Variants in DLG2 observed in about 807,000 individuals in gnomAD.
DLG2 encodes discs large MAGUK scaffold protein 2.
In DLG2, 45 loss-of-function variants were observed where a neutral mutation model predicts 132.5. The observed-to-expected ratio is 0.34, with a 90% confidence interval of 0.27 to 0.44. The LOEUF is 0.44. Among genes scored for constraint, DLG2 ranks in the 20% least tolerant of loss-of-function variants. The pLI, the probability that DLG2 is intolerant of heterozygous loss-of-function variation, is 1.00. For synonymous variants in DLG2, 424 were observed against 419.6 expected, an observed-to-expected ratio of 1.01 and a Z score of -0.13; for missense variants, 1,045 against 1,196.9, an observed-to-expected ratio of 0.87 and a Z score of 1.87.
chr11:83,900,182 T>G (rs1342858144), intron 15 of DLG2, among the ~76,000 whole-genome samples: 2 of 152,136 alleles, frequency 1.3e-5, no homozygotes, highest in African/African-American at 4.8e-5. Context: ...AACAGGTGAC[T>G]TGGGTGCTGT....
chr11:85,588,998 TACAA>T (rs1484107982), intron 3 of DLG2, among the ~76,000 whole-genome samples: 2 of 152,160 alleles, frequency 1.3e-5, no homozygotes, highest in African/African-American at 2.4e-5. Context: ...GGGGAATGTC[TACAA>T]ACAGTCCTGT....
intron 6 of DLG2, among the ~76,000 whole-genome samples, chr11:84,995,311 G>A (rs567042832): frequency 2.8e-4 from 42 of 152,306 alleles, no homozygotes; most frequent in Non-Finnish European, 4.7e-4. Context: ...GGAGTTGTAT[G>A]TTAGAATCCC....
At chr11:85,141,464 A>T (rs1196325612) in intron 5 of DLG2, among the ~76,000 whole-genome samples, 1 of 151,608 alleles carries the variant, frequency 6.6e-6, no homozygotes, top group African/African-American at 2.4e-5. Flanking sequence ...TATTAGGGTT[A>T]TTAATCTATT....
At chr11:85,084,317 G>T (rs2067625729) in intron 6 of DLG2, among the ~76,000 whole-genome samples, 1 of 152,138 alleles carries the variant, frequency 6.6e-6, no homozygotes, top group African/African-American at 2.4e-5. Context: ...GTACTAGAAG[G>T]AAAGTCAGAA....
intron 6 of DLG2, among the ~76,000 whole-genome samples, chr11:85,064,632 C>T (rs1184283806): frequency 4.6e-5 from 7 of 151,696 alleles, no homozygotes; most frequent in Non-Finnish European, 1.0e-4. Context: ...CTCAACTTGG[C>T]TAAGCTGTGG....
At chr11:84,237,321 T>C (rs1395104408) in intron 8 of DLG2, among the ~76,000 whole-genome samples, 1 of 152,190 alleles carries the variant, frequency 6.6e-6, no homozygotes, top group African/African-American at 2.4e-5. Context: ...ATTAGCAATT[T>C]GCTTTAAAAA....
chr11:85,474,011 A>T (rs984096729), intron 3 of DLG2, among the ~76,000 whole-genome samples: 1 of 152,056 alleles, frequency 6.6e-6, no homozygotes, highest in African/African-American at 2.4e-5. Flanking sequence ...ATAAACAACT[A>T]CTTAAAATAT....
At chr11:85,183,820 G>T (rs182385530) in intron 4 of DLG2, among the ~76,000 whole-genome samples, 15 of 151,900 alleles carry the variant, frequency 9.9e-5, no homozygotes, top group Admixed American at 9.9e-4. Flanking sequence ...AACTCCATCC[G>T]TTTCTTGCTT....
At chr11:84,345,734 T>G (rs977314990) in intron 7 of DLG2, among the ~76,000 whole-genome samples, 1 of 152,208 alleles carries the variant, frequency 6.6e-6, no homozygotes, top group African/African-American at 2.4e-5. Context: ...ATAGAGCAAG[T>G]GTTAGCAAAT....
At chr11:84,665,101 G>A (rs2099698536) in intron 6 of DLG2, among the ~76,000 whole-genome samples, 2 of 152,076 alleles carry the variant, frequency 1.3e-5, no homozygotes, top group African/African-American at 2.4e-5. Flanking sequence ...CCCTTACCTA[G>A]AGACAAGCTA....
At chr11:84,781,878 C>G (rs1048985309) in intron 6 of DLG2, among the ~76,000 whole-genome samples, 16 of 152,044 alleles carry the variant, frequency 1.1e-4, no homozygotes, top group African/African-American at 3.9e-4. Flanking sequence ...TAGTGATATA[C>G]AACAGAGATG....
intron 18 of DLG2, among the ~76,000 whole-genome samples, chr11:83,743,528 G>A (rs1566789974): frequency 6.7e-6 from 1 of 149,054 alleles, no homozygotes; most frequent in Non-Finnish European, 1.5e-5. Context: ...CGACTTCCTG[G>A]GTTTAAGGGA....
At chr11:84,445,708 AGAT>A (rs937905999) in intron 7 of DLG2, among the ~76,000 whole-genome samples, 75 of 152,062 alleles carry the variant, frequency 4.9e-4, no homozygotes, top group African/African-American at 1.7e-3. Flanking sequence ...CTAGCTCAGG[AGAT>A]CGAGACCATC....
intron 18 of DLG2, among the ~76,000 whole-genome samples, chr11:83,733,709 C>T (rs895251288): frequency 6.6e-6 from 1 of 152,216 alleles, no homozygotes; most frequent in Non-Finnish European, 1.5e-5. Context: ...TAGCAATCAA[C>T]TTCAAATCCC....
At chr11:83,478,198 G>A (rs1188774268) in intron 22 of DLG2, among the ~76,000 whole-genome samples, 4 of 152,026 alleles carry the variant, frequency 2.6e-5, no homozygotes, top group Non-Finnish European at 5.9e-5. Context: ...CATTCCTCTG[G>A]AATTCTTCAT....
chr11:84,973,676 G>A (rs986639422), intron 6 of DLG2, among the ~76,000 whole-genome samples: 1 of 152,022 alleles, frequency 6.6e-6, no homozygotes, highest in Non-Finnish European at 1.5e-5. Flanking sequence ...TCAATAAATG[G>A]GATCAGAAAA....
chr11:83,647,996 T>C (rs1286642667), intron 18 of DLG2: 2 of 152,180 alleles, frequency 1.3e-5, no homozygotes, highest in Non-Finnish European at 2.9e-5. Flanking sequence ...AATTTATTTA[T>C]TTTTATACCT....
At chr11:83,910,198 T>A (rs1238957196) in intron 15 of DLG2, among the ~76,000 whole-genome samples, 1 of 152,110 alleles carries the variant, frequency 6.6e-6, no homozygotes, top group Non-Finnish European at 1.5e-5. Context: ...AGCTCTGTAA[T>A]AGAGTATTTG....
chr11:84,449,156 T>G (rs1602324789), intron 7 of DLG2, among the ~76,000 whole-genome samples: 1 of 151,824 alleles, frequency 6.6e-6, no homozygotes, highest in East Asian at 1.9e-4. Flanking sequence ...GCTGTCACAT[T>G]TTTTTTACTT....
Sources: allele counts gnomAD v4.1 joint callset (sites outside exome capture counted in the v4.1 genomes callset), GRCh38; gene constraint gnomAD v4.1.1; transcripts MANE v1.5; gene names NCBI Gene and HGNC (gene_info 2026-07-23, HGNC 2026-07-21).